CBLB: variants seen among roughly 807,000 people sequenced by gnomAD.
CBLB encodes the protein Cbl proto-oncogene B.
CBLB carries 31 observed loss-of-function variants against 104.9 expected under a neutral mutation model. That is an observed-to-expected ratio of 0.30 (90% confidence interval 0.22 to 0.40). The LOEUF is 0.40. CBLB is among the 10% of genes least tolerant of loss of function. The probability of loss-of-function intolerance (pLI) is 1.00; values close to 1 mark genes in which losing one functional copy is unlikely to be tolerated. For missense variants in CBLB, 1,062 were observed against 1,214.6 expected (o/e 0.87, Z 1.87); for synonymous variants, 440 against 422.6 (o/e 1.04, Z -0.51).
intron 14 of CBLB, among the ~76,000 whole-genome samples, chr3:105,683,034 C>CAGT (rs67531388): frequency 6.6e-6 from 1 of 152,206 alleles, no homozygotes; most frequent in South Asian, 2.1e-4. Context: ...ATGGAAGAGA[C>CAGT]GGATATTTGA....
intron 3 of CBLB, among the ~76,000 whole-genome samples, chr3:105,793,745 C>T (rs930707516): frequency 7.9e-5 from 12 of 152,138 alleles, no homozygotes; most frequent in African/African-American, 2.9e-4. Flanking sequence ...TCAGGAGCAA[C>T]TCTCAGGAAA....
intron 17 of CBLB, chr3:105,671,784 A>T: frequency 5.0e-6 from 1 of 198,074 alleles, no homozygotes; most frequent in Non-Finnish European, 1.0e-5. Flanking sequence ...TGACTTAGAC[A>T]AGGCTCTTTA....
intron 3 of CBLB, among the ~76,000 whole-genome samples, chr3:105,788,047 T>G (rs2081224728): frequency 6.6e-6 from 1 of 152,172 alleles, no homozygotes; most frequent in Non-Finnish European, 1.5e-5. Flanking sequence ...ATTTATTTGC[T>G]CTTGGTGAGG....
intron 2 of CBLB, among the ~76,000 whole-genome samples, chr3:105,856,230 A>T (rs1450855709): frequency 2.0e-5 from 3 of 151,658 alleles, no homozygotes; most frequent in Non-Finnish European, 4.4e-5. Flanking sequence ...GGTGCCTGTA[A>T]TCCCAGCTAC....
chr3:105,702,134 C>A lies in CBLB; in HGVS notation c.1919G>T (p.Arg640Leu). Residue 640 changes from arginine to leucine, a missense_variant, in exon 12 of 19, where the codon CGG (arginine) becomes CTG (leucine). By Grantham distance (102) the Arg-to-Leu change is moderately radical. Transcript: ENST00000394030. The stretch of plus-strand genomic sequence containing the variant: ...AGGCAAATCATGGCGTCTGTGTTTC[C>A]GCATAAGCACTGGGTCAGAGCCCAC... ...SRVGSDPVLM[R>L]KHRRHDLPLE... is the part of the protein sequence containing the mutation. 1 of 1,614,092 alleles carries A rather than the reference C, an allele frequency of 6.2e-7. No individual in the cohort carries two copies. The highest frequency in any genetic ancestry group is 8.5e-7 in the Non-Finnish European group (1 of 1,180,002).
chr3:105,797,588 C>A (rs1380949847), intron 3 of CBLB, among the ~76,000 whole-genome samples: 2 of 151,960 alleles, frequency 1.3e-5, no homozygotes, highest in Non-Finnish European at 2.9e-5. Flanking sequence ...TACTCCTGAA[C>A]CTAAAATAAA....
At chr3:105,846,552 T>C (rs556415436) in intron 3 of CBLB, among the ~76,000 whole-genome samples, 24 of 152,212 alleles carry the variant, frequency 1.6e-4, no homozygotes, top group South Asian at 6.2e-4. Flanking sequence ...ATTTGTGACA[T>C]TGAAATGTCT....
chr3:105,788,732 C>A (rs902150808), intron 3 of CBLB, among the ~76,000 whole-genome samples: 1 of 152,186 alleles, frequency 6.6e-6, no homozygotes, highest in African/African-American at 2.4e-5. Flanking sequence ...TGGCACTCTT[C>A]CCAACACAGG....
chr3:105,843,493 T>C (rs1303719379), intron 3 of CBLB, among the ~76,000 whole-genome samples: 1 of 152,092 alleles, frequency 6.6e-6, no homozygotes, highest in Non-Finnish European at 1.5e-5. Flanking sequence ...TGTTAAGAAA[T>C]AACCAGGGCT....
At chr3:105,797,550 G>A (rs996103386) in intron 3 of CBLB, among the ~76,000 whole-genome samples, 3 of 152,062 alleles carry the variant, frequency 2.0e-5, no homozygotes, top group African/African-American at 7.2e-5. Flanking sequence ...ATGACATGTA[G>A]TTTACCTGTA....
intron 3 of CBLB, among the ~76,000 whole-genome samples, chr3:105,795,743 T>C (rs926861170): frequency 3.3e-5 from 5 of 152,152 alleles, no homozygotes; most frequent in Admixed American, 6.5e-5. Context: ...GATTTGTTTG[T>C]TTTTGTTTTT....
In CBLB at chr3:105,720,093, T is replaced by G; in HGVS notation, c.1361A>C (p.Asp454Ala). 1 of 1,614,012 alleles carries G rather than the reference T, an allele frequency of 6.2e-7. No homozygotes were observed. The highest frequency in any genetic ancestry group is 8.5e-7 in the Non-Finnish European group (1 of 1,179,962). ...ATTCATCATCAAGGACTCCTCACGA[T>G]CATCATCGTCGTCCAAGTCTAGCAT... ...MPMLDLDDDDDREESLMMNRL... is the reference protein window; with the variant it reads ...MPMLDLDDDDAREESLMMNRL... The change falls in exon 10 of 19, where the codon GAT (aspartate) becomes GCT (alanine). Residue 454 changes from aspartate to alanine, a missense_variant. Physicochemically the swap from Asp to Ala is moderately radical, Grantham distance 126 (BLOSUM62 -2). Coordinates refer to ENST00000394030, the MANE Select transcript of CBLB (RefSeq NM_170662.5).
At chr3:105,827,822 G>A (rs1464089251) in intron 3 of CBLB, among the ~76,000 whole-genome samples, 2 of 152,130 alleles carry the variant, frequency 1.3e-5, no homozygotes, top group Non-Finnish European at 2.9e-5. Context: ...GAATCCAGTG[G>A]TTGCTCTGAA....
intron 3 of CBLB, among the ~76,000 whole-genome samples, chr3:105,830,202 C>T (rs913956456): frequency 2.0e-5 from 3 of 151,928 alleles, no homozygotes; most frequent in African/African-American, 7.2e-5. Flanking sequence ...CCCCATGAAC[C>T]ATGATGAGAA....
At chr3:105,739,025 A>G (rs1269616732) in intron 7 of CBLB, among the ~76,000 whole-genome samples, 1 of 152,132 alleles carries the variant, frequency 6.6e-6, no homozygotes, top group Non-Finnish European at 1.5e-5. Context: ...AACCCATCTT[A>G]GCCTCCAGAG....
chr3:105,735,520 T>C (rs2074822569), intron 8 of CBLB, among the ~76,000 whole-genome samples: 1 of 152,204 alleles, frequency 6.6e-6, no homozygotes, highest in South Asian at 2.1e-4. Context: ...TTTAAGGGGA[T>C]GTTATTACTT....
Position 105,712,361 on chromosome 3 carries a change from C to A in CBLB, c.1407+7686G>T, listed in dbSNP as rs146780100. 3.2e-4 allele frequency among the ~76,000 whole-genome samples: 48 copies of A among 152,144 alleles called. 2 individuals carry two copies. The East Asian group carries it at 8.9e-3, about 28-fold the overall frequency. On this transcript the variant is annotated intron_variant, in intron 10 of 18. Coordinates refer to ENST00000394030, the MANE Select transcript of CBLB (RefSeq NM_170662.5). ...TGTTGACTACAGTGGCTTCTTATGC[C>A]CTTTGGTTCGCTCAGCTGCATAACC...
In CBLB at chr3:105,867,509, C is replaced by G. The variant is rs1414584825; in HGVS notation, c.69G>C (p.Leu23Phe). 5 of 1,614,026 alleles carry G rather than the reference C, an allele frequency of 3.1e-6. No homozygotes were observed. The highest frequency in any genetic ancestry group is 4.2e-6 in the Non-Finnish European group (5 of 1,180,016). Reference protein sequence around the residue: ...RGGNPRKGRILGIIDAIQDAV... With the variant: ...RGGNPRKGRIFGIIDAIQDAV... ...CATCCTGAATAGCATCAATAATACCCAAAATTCGACCTTTTCGGGGATTTC... is the reference window on the plus strand; with the variant it reads ...CATCCTGAATAGCATCAATAATACCGAAAATTCGACCTTTTCGGGGATTTC... Residue 23 changes from leucine to phenylalanine, a missense_variant, in exon 2 of 19, where the codon TTG becomes TTC. This residue lies in a region of CBLB where 457 missense variants were observed against 632.0 expected (regional missense o/e 0.72). Coordinates refer to ENST00000394030, the MANE Select transcript of CBLB (RefSeq NM_170662.5).
chr3:105,707,281 T>G (rs1042709568), intron 10 of CBLB, among the ~76,000 whole-genome samples: 1 of 152,212 alleles, frequency 6.6e-6, no homozygotes, highest in Non-Finnish European at 1.5e-5. Flanking sequence ...AAGGTGATTA[T>G]GTACTGTCCT....
Sources: allele counts gnomAD v4.1 joint callset (sites outside exome capture counted in the v4.1 genomes callset), GRCh38; gene constraint gnomAD v4.1.1; regional missense constraint gnomAD v4.1.1; transcripts MANE v1.5; gene names NCBI Gene and HGNC (gene_info 2026-07-23, HGNC 2026-07-21).